The following PRKX variants were observed in gnomAD, a reference collection of about 807,000 sequenced individuals.
PRKX encodes protein kinase cAMP-dependent X-linked catalytic subunit.
PRKX carries 12 observed loss-of-function variants against 22.0 expected under a neutral mutation model. That is an observed-to-expected ratio of 0.54 (90% CI 0.35 to 0.88). PRKX has a LOEUF of 0.88. Ranked by LOEUF, PRKX falls within the 40% of genes least tolerant of loss-of-function variation. PRKX has a pLI of 0.01. For missense variants in PRKX, 217 were observed against 308.0 expected, an observed-to-expected ratio of 0.70 and a Z score of 2.21; for synonymous variants, 134 against 137.7, an observed-to-expected ratio of 0.97 and a Z score of 0.19.
intron 1 of PRKX, among the ~76,000 whole-genome samples, chrX:3,683,033 C>T (rs1373544031): frequency 2.7e-5 from 3 of 110,874 alleles, no homozygotes; most frequent in Non-Finnish European, 3.8e-5. Flanking sequence ...AGCTCAGGGA[C>T]GCCTGGAGCC....
At position 3,655,331 on chromosome X, in the gene PRKX, G is replaced by A. The variant is rs1396706013; in HGVS notation, c.417C>T (p.Arg139=). 1 of 1,212,300 alleles carries A rather than the reference G, an allele frequency of 8.2e-7. No individual in the cohort carries two copies. The highest frequency in any genetic ancestry group is 1.1e-6 in the Non-Finnish European group (1 of 895,649). The change falls in exon 3 of 9, where the codon CGC becomes CGT. Residue 139 remains arginine, a synonymous_variant. Transcript: ENST00000262848. ...VPGGELFSYL[R]NRGRFSSTTG... is the part of the protein sequence containing the mutation. ...TGGTGCTGGAGAAGCGCCCCCGGTT[G>A]CGCAGGTAGCTGAAGAGCTCGCCGC...
chrX:3,663,044 T>C (rs1437895420), intron 2 of PRKX, among the ~76,000 whole-genome samples: 1 of 104,739 alleles, frequency 9.5e-6, no homozygotes, highest in Admixed American at 1.0e-4. Flanking sequence ...CTCACTAAGA[T>C]GCCCAGGTTG....
chrX:3,638,697 T>G (rs1280583754), intron 4 of PRKX, among the ~76,000 whole-genome samples: 4 of 111,050 alleles, frequency 3.6e-5, no homozygotes, highest in Non-Finnish European at 7.5e-5. Context: ...GATAGCTAGA[T>G]AGACAGAAAG....
intron 8 of PRKX, among the ~76,000 whole-genome samples, chrX:3,610,655 C>G (rs958901854): frequency 9.1e-6 from 1 of 110,221 alleles, no homozygotes; most frequent in Non-Finnish European, 1.9e-5. Context: ...GTAGGGGCAG[C>G]TGGGGACAGG....
chrX:3,705,889 A>C (rs1928673079), intron 1 of PRKX, among the ~76,000 whole-genome samples: 1 of 104,729 alleles, frequency 9.5e-6, no homozygotes, highest in Non-Finnish European at 1.9e-5. Flanking sequence ...ACGGGGTTTC[A>C]CCGTGTTAGC....
At chrX:3,706,896 G>A (rs1928696620) in intron 1 of PRKX, among the ~76,000 whole-genome samples, 1 of 111,862 alleles carries the variant, frequency 8.9e-6, no homozygotes, top group Non-Finnish European at 1.9e-5. Flanking sequence ...AGGCTGAGGC[G>A]GGAGGATCAC....
At chrX:3,649,216 C>A (rs184673762) in intron 3 of PRKX, among the ~76,000 whole-genome samples, 1 of 110,695 alleles carries the variant, frequency 9.0e-6, no homozygotes, top group African/African-American at 3.3e-5. Context: ...ATTCCACAAT[C>A]TGAAAAAAAT....
At chrX:3,695,186 G>A (rs745479116) in intron 1 of PRKX, among the ~76,000 whole-genome samples, 25 of 111,232 alleles carry the variant, frequency 2.2e-4, no homozygotes, top group African/African-American at 7.2e-4. Context: ...GATAACTGAA[G>A]TCACAGGCAC....
intron 5 of PRKX, among the ~76,000 whole-genome samples, chrX:3,621,674 T>C (rs1352486301): frequency 8.9e-6 from 1 of 112,193 alleles, no homozygotes; most frequent in Non-Finnish European, 1.9e-5. Context: ...AGAAGACATC[T>C]GCTTTCACCA....
At chrX:3,707,828 G>A (rs1370762894) in intron 1 of PRKX, among the ~76,000 whole-genome samples, 3 of 111,361 alleles carry the variant, frequency 2.7e-5, no homozygotes, top group Non-Finnish European at 5.6e-5. Flanking sequence ...CTCACACGGA[G>A]CACCCACATA....
chrX:3,636,928 AAAGGAAAGGAAG>A (rs1397290154), intron 4 of PRKX, among the ~76,000 whole-genome samples: 3 of 107,431 alleles, frequency 2.8e-5, no homozygotes, highest in Non-Finnish European at 5.8e-5. Flanking sequence ...GGCGGAACAG[AAAGGAAAGGAAG>A]AAGGAAAGGA....
chrX:3,609,428 T>TG (rs1926249480), intron 8 of PRKX, among the ~76,000 whole-genome samples: 1 of 109,927 alleles, frequency 9.1e-6, no homozygotes, highest in Non-Finnish European at 1.9e-5. Context: ...CCCAAGGTGC[T>TG]GGGATTACAG....
rs1399126199 is a variant in PRKX at position 3,607,707 on chromosome X, C to T, written c.*1262G>A. 2 of 109,346 alleles carry T rather than the reference C, an allele frequency of 1.8e-5. No homozygotes were observed. The highest frequency in any genetic ancestry group is 4.0e-4 in the South Asian group (1 of 2,527). The allele number at this position is 109,346 out of a possible 1,213,427, so 9.0% of individuals were successfully genotyped here. Reference sequence around the variant, plus strand: ...TTTTTTTTATATAGAGATGGGGTCTCGCTATGCTGCCCAGGTCGGTCTCGA... The same window carrying T: ...TTTTTTTTATATAGAGATGGGGTCTTGCTATGCTGCCCAGGTCGGTCTCGA... On this transcript the variant is annotated 3_prime_UTR_variant, in exon 9 of 9. Transcript: ENST00000262848.
chrX:3,659,728 TG>T (rs1555895459), intron 2 of PRKX, among the ~76,000 whole-genome samples: 1,491 of 14,968 alleles, frequency 0.1, 27 homozygotes, highest in African/African-American at 0.27. Context: ...TTTTTTTTTT[TG>T]TTTTTTTTTT....
chrX:3,713,072 G>C lies in PRKX; in HGVS notation c.166+16C>G. ...GCGCGCCCCTGTGGGCCGAGTCCCC[G>C]CCCGCACTCACTCACCCACGGTGGC... is the stretch of plus-strand genomic sequence containing the variant. On this transcript the variant is annotated intron_variant, in intron 1 of 8. Transcript: ENST00000262848. 2 of 1,156,809 alleles carry C rather than the reference G, an allele frequency of 1.7e-6. No individual in the cohort carries two copies. Among genetic ancestry groups the C allele is most frequent in the Non-Finnish European group, 2.3e-6 (2 of 871,583 alleles).
At chrX:3,691,238 G>A (rs1310451317) in intron 1 of PRKX, among the ~76,000 whole-genome samples, 1 of 111,287 alleles carries the variant, frequency 9.0e-6, no homozygotes, top group Admixed American at 9.6e-5. Flanking sequence ...TACACCGTAC[G>A]TCTTACATTC....
chrX:3,622,903 G>A (rs1204863783), intron 5 of PRKX, among the ~76,000 whole-genome samples: 5 of 111,714 alleles, frequency 4.5e-5, no homozygotes, highest in African/African-American at 9.7e-5. Context: ...GTGGGGCTTC[G>A]TCCCCCACGT....
intron 4 of PRKX, among the ~76,000 whole-genome samples, chrX:3,628,369 G>C (rs956424931): frequency 9.0e-6 from 1 of 110,915 alleles, no homozygotes; most frequent in Non-Finnish European, 1.9e-5. Context: ...ATAACATGTC[G>C]TATTGTTTCA....
chrX:3,706,192 T>C (rs917203027), intron 1 of PRKX, among the ~76,000 whole-genome samples: 4 of 110,272 alleles, frequency 3.6e-5, no homozygotes, highest in African/African-American at 1.3e-4. Context: ...CTTGATACTT[T>C]CTTTATTTTT....
Sources: allele counts gnomAD v4.1 joint callset (sites outside exome capture counted in the v4.1 genomes callset), GRCh38; gene constraint gnomAD v4.1.1; transcripts MANE v1.5; gene names NCBI Gene and HGNC (gene_info 2026-07-23, HGNC 2026-07-21).